DNAH8: variants seen among roughly 807,000 people sequenced by gnomAD.
The protein encoded by DNAH8 is axonemal beta dynein heavy chain 8.
Under a neutral mutation model 562.1 loss-of-function variants are expected in DNAH8, and 382 were observed. That is an observed-to-expected ratio of 0.68 (90% confidence interval 0.63 to 0.74). The LOEUF is 0.74. Among genes scored for constraint, DNAH8 ranks in the 30% least tolerant of loss-of-function variants. The pLI is 0.00. For synonymous variants in DNAH8, 1,881 were observed against 1,919.4 expected, an observed-to-expected ratio of 0.98 and a Z score of 0.52; for missense variants, 5,203 against 5,620.4, an observed-to-expected ratio of 0.93 and a Z score of 2.37.
chr6:38,845,525 A>C, intron 35 of DNAH8, 49 bp from the exon 36 acceptor site: 1 of 1,475,730 alleles, frequency 6.8e-7, no homozygotes, highest in Non-Finnish European at 9.4e-7. Flanking sequence ...TGATGCACTT[A>C]ATTTGTAGTT....
At chr6:38,779,933 A>G (rs994091599) in intron 14 of DNAH8, 33 bp from the exon 15 acceptor site, 1 of 1,580,396 alleles carries the variant, frequency 6.3e-7, no homozygotes, top group Non-Finnish European at 8.7e-7. Flanking sequence ...TTTCTCATTT[A>G]CTTTTTAACC....
chr6:38,818,212 A>G (rs1772462101), intron 26 of DNAH8, among the ~76,000 whole-genome samples: 1 of 152,120 alleles, frequency 6.6e-6, no homozygotes, highest in South Asian at 2.1e-4. Context: ...ATTAATCCAT[A>G]CAAGAAGATC....
chr6:38,836,602 C>T (rs992166310), intron 32 of DNAH8, among the ~76,000 whole-genome samples: 1 of 150,762 alleles, frequency 6.6e-6, no homozygotes, highest in Non-Finnish European at 1.5e-5. Context: ...GTGAGCCAAA[C>T]AGGCTGTTTG....
chr6:38,789,721 G>T (rs1362598759), intron 18 of DNAH8, 82 bp from the exon 19 acceptor site: 13 of 1,059,038 alleles, frequency 1.2e-5, no homozygotes, highest in Middle Eastern at 2.1e-4. Flanking sequence ...CTGGGATTAT[G>T]AAACCTTCCT....
chr6:38,855,661 T>C (rs747053978), intron 41 of DNAH8, among the ~76,000 whole-genome samples: 1 of 152,160 alleles, frequency 6.6e-6, no homozygotes, highest in African/African-American at 2.4e-5. Flanking sequence ...ATATCCTCCT[T>C]CTCGCTATTT....
chr6:38,909,815 C>A (rs1780750525), intron 65 of DNAH8, 71 bp downstream of exon 65: 3 of 1,228,428 alleles, frequency 2.4e-6, no homozygotes, highest in Non-Finnish European at 1.2e-6. Context: ...TGCATTGTAA[C>A]ATCCAGCAGA....
At chr6:38,900,332 A>G (rs141227396) in intron 62 of DNAH8, among the ~76,000 whole-genome samples, 3 of 152,360 alleles carry the variant, frequency 2.0e-5, no homozygotes, top group East Asian at 3.9e-4. Flanking sequence ...TTTTTGCTGC[A>G]TGATCTTCAA....
At chr6:38,766,620 G>T (rs1310222781) in intron 11 of DNAH8, among the ~76,000 whole-genome samples, 1 of 152,064 alleles carries the variant, frequency 6.6e-6, no homozygotes, top group Non-Finnish European at 1.5e-5. Flanking sequence ...CCTAGTCACT[G>T]GGACTACAGG....
chr6:38,997,763 T>TTTTTG (rs1765237064), intron 88 of DNAH8, among the ~76,000 whole-genome samples: 1 of 152,108 alleles, frequency 6.6e-6, no homozygotes, highest in Non-Finnish European at 1.5e-5. Context: ...TGTTTGTTGT[T>TTTTTG]TTTTGTTTTG....
chr6:38,741,584 A>T (rs959159839), intron 7 of DNAH8, 127 bp from the exon 8 acceptor site: 10 of 723,368 alleles, frequency 1.4e-5, no homozygotes. Flanking sequence ...TCATTTACTG[A>T]GAGTTTTTAA....
At chr6:38,994,669 C>A (rs1854961) in intron 88 of DNAH8, among the ~76,000 whole-genome samples, 58,660 of 143,258 alleles carry the variant, frequency 0.41, 12,329 homozygotes, top group East Asian at 0.6. Flanking sequence ...TTTTTTTGAG[C>A]CGGAGTCATG....
At chr6:38,881,811 A>G (rs1207896006) in intron 53 of DNAH8, among the ~76,000 whole-genome samples, 1 of 152,032 alleles carries the variant, frequency 6.6e-6, no homozygotes, top group Non-Finnish European at 1.5e-5. Flanking sequence ...TCAGCCTCCC[A>G]AAGTGCTGGG....
intron 70 of DNAH8, 58 bp downstream of exon 70, chr6:38,918,198 A>G (rs768248178): frequency 6.0e-5 from 73 of 1,223,868 alleles, no homozygotes; most frequent in Non-Finnish European, 8.3e-5. Context: ...AGTCATCAGT[A>G]TTACTGCTAT....
rs1283785883 is a variant in DNAH8 at position 38,931,250 on chromosome 6, T to C, written c.11275-561T>C. The C allele has an allele frequency of 2.0e-5, 3 of 152,294 alleles. No homozygotes were observed. The East Asian group carries it at 5.8e-4, about 29-fold the overall frequency. 9.4% of individuals were successfully genotyped at this position (152,294 alleles called of 1,614,324 possible). On this transcript the variant is annotated intron_variant, in intron 75 of 92. Coordinates refer to ENST00000327475, the MANE Select transcript of DNAH8 (RefSeq NM_001206927.2). ...TGATTTTTAGATAGCAAAAACCAATTGTTTTTTCAACATGCTGCAAATAGT... is the reference window on the plus strand; with the variant it reads ...TGATTTTTAGATAGCAAAAACCAATCGTTTTTTCAACATGCTGCAAATAGT...
At chr6:38,831,682 G>T (rs1168934090) in intron 30 of DNAH8, among the ~76,000 whole-genome samples, 1 of 152,122 alleles carries the variant, frequency 6.6e-6, no homozygotes, top group East Asian at 1.9e-4. Flanking sequence ...GATGCTGGTG[G>T]TGGGACTTTG....
chr6:38,800,179 A>T (rs1396418739), intron 21 of DNAH8, among the ~76,000 whole-genome samples: 2 of 151,220 alleles, frequency 1.3e-5, no homozygotes, highest in African/African-American at 4.9e-5. Context: ...CTTTTTGGCT[A>T]CTGTAAAGAA....
intron 42 of DNAH8, among the ~76,000 whole-genome samples, chr6:38,858,695 C>T (rs1030010507): frequency 1.3e-5 from 2 of 152,176 alleles, no homozygotes; most frequent in Non-Finnish European, 2.9e-5. Context: ...GGAAAAACTG[C>T]TCTAGGATTT....
chr6:38,890,876 A>G (rs1779302022), intron 58 of DNAH8, 115 bp downstream of exon 58: 3 of 698,340 alleles, frequency 4.3e-6, no homozygotes, highest in Non-Finnish European at 5.0e-6. Flanking sequence ...TTTTTGGAAA[A>G]GACAAATTAC....
rs757496707 is a variant in DNAH8, at chr6:38,938,141, C to T, written c.11731C>T (p.Leu3911Phe). The T allele has an allele frequency of 2.5e-6, 4 of 1,614,114 alleles. 1 individual carries two copies. The South Asian group carries it at 3.3e-5, about 13-fold the overall frequency. ...CACCCGCGGAAGCATCCTCTACTTC[C>T]TCATCACAGAGATGAGCATGGTCAA... ...AATRGSILYF[L>F]ITEMSMVNIM... The change falls in exon 78 of 93, where the codon CTC becomes TTC. Residue 3911 changes from leucine (L) to phenylalanine (F), a missense_variant. Around this residue, in one of 6 missense-constraint regions of DNAH8, gnomAD observed 1,399 missense variants for 1,518.4 expected, o/e 0.92. Coordinates refer to ENST00000327475, the MANE Select transcript of DNAH8 (RefSeq NM_001206927.2).
Sources: gnomAD v4.1 joint callset for allele counts (sites outside exome capture counted in the v4.1 genomes callset) on GRCh38, gnomAD v4.1.1 for gene constraint, gnomAD v4.1.1 regional missense constraint, MANE v1.5 for transcripts, NCBI Gene and HGNC (gene_info 2026-07-23, HGNC 2026-07-21) for gene names.